Variants in DST observed in about 807,000 individuals in gnomAD.
The protein encoded by DST is bullous pemphigoid antigen.
In DST, 253 loss-of-function variants were observed where a neutral mutation model predicts 875.2. The observed-to-expected ratio is 0.29, with a 90% CI of 0.26 to 0.32. DST has a LOEUF of 0.32. Among genes scored for constraint, DST ranks in the 10% least tolerant of loss-of-function variants. The probability of loss-of-function intolerance (pLI) is 1.00; values close to 1 mark genes in which losing one functional copy is unlikely to be tolerated. For missense variants in DST, 8,287 were observed against 9,111.6 expected, an observed-to-expected ratio of 0.91 and a Z score of 3.68; for synonymous variants, 3,124 against 3,197.1, an observed-to-expected ratio of 0.98 and a Z score of 0.77.
intron 36 of DST, among the ~76,000 whole-genome samples, chr6:56,623,952 A>G (rs2098711792): frequency 6.6e-6 from 1 of 152,012 alleles, no homozygotes; most frequent in Admixed American, 6.6e-5. Flanking sequence ...GCATTTAAAT[A>G]GCCTTTTTAA....
At chr6:56,890,188 C>A (rs1358024410) in intron 3 of DST, among the ~76,000 whole-genome samples, 1 of 152,180 alleles carries the variant, frequency 6.6e-6, no homozygotes, top group African/African-American at 2.4e-5. Flanking sequence ...GACACATTTC[C>A]TCCCTGGAAA....
chr6:56,463,095 G>A lies in DST; in HGVS notation c.23021C>T (p.Thr7674Ile). 2 of 1,613,752 alleles carry A rather than the reference G, an allele frequency of 1.2e-6. No homozygotes were observed. Among genetic ancestry groups the A allele is most frequent in the Middle Eastern group, 1.7e-4 (1 of 6,060 alleles). The stretch of plus-strand genomic sequence containing the variant: ...TGAGCACTCTGCTGCTTTACAAGGA[G>A]TTGACATTTTGCTGTTTGTCAACCA... ...KPWLTNSKMS[T>I]PCKAAECSDF... The change falls in exon 102 of 104, where the codon ACT (threonine) becomes ATT (isoleucine). Residue 7674 changes from threonine (T) to isoleucine (I), a missense_variant. Around this residue, in one of 10 missense-constraint regions of DST, gnomAD observed 240 missense variants for 237.3 expected, o/e 1.01. Coordinates refer to ENST00000680361, the MANE Select transcript of DST (RefSeq NM_001374736.1).
Position 56,485,338 on chromosome 6 carries a change from C to T in DST, c.21181G>A (p.Val7061Met), listed in dbSNP as rs1308825083. The change falls in exon 88 of 104, where the codon GTG becomes ATG. Residue 7061 changes from valine (V) to methionine (M), a missense_variant. By Grantham distance (21) the Val-to-Met change is conservative. Transcript: ENST00000680361. ...DQPVHGDIDL[V>M]MNLIDNHKAF... Reference sequence around the variant, plus strand: ...TTGTGATTATCGATCAGATTCATCACCAAATCAATGTCTCCATGAACAGGC... The same window carrying T: ...TTGTGATTATCGATCAGATTCATCATCAAATCAATGTCTCCATGAACAGGC... The T allele has an allele frequency of 3.1e-6, 5 of 1,613,642 alleles. No individual in the cohort carries two copies. The highest frequency in any genetic ancestry group is 4.5e-5 in the East Asian group (2 of 44,884).
chr6:56,615,376 A>C, intron 36 of DST: 1 of 1,522,148 alleles, frequency 6.6e-7, no homozygotes, highest in Non-Finnish European at 8.8e-7. Context: ...TATTTTGAGC[A>C]CTTAGCAATT....
At chr6:56,517,704 T>C (rs1365942042) in intron 69 of DST, 84 bp from the exon 70 acceptor site, 3 of 1,441,784 alleles carry the variant, frequency 2.1e-6, no homozygotes, top group Non-Finnish European at 1.8e-6. Context: ...TGAAATATCC[T>C]TATTACACAA....
chr6:56,711,066 T>C (rs1385651055), intron 5 of DST, among the ~76,000 whole-genome samples: 2 of 152,198 alleles, frequency 1.3e-5, no homozygotes, highest in Admixed American at 6.5e-5. Flanking sequence ...GTCTACTTCT[T>C]TGGACCTGAT....
rs751634835 is a variant in DST, at chr6:56,609,086, C to T, written c.5542G>A (p.Ala1848Thr). The T allele has an allele frequency of 6.2e-7, 1 of 1,613,850 alleles. No individual in the cohort carries two copies. Among genetic ancestry groups the T allele is most frequent in the Non-Finnish European group, 8.5e-7 (1 of 1,179,800 alleles). The change falls in exon 40 of 104, where the codon GCG becomes ACG. Residue 1848 changes from alanine to threonine, a missense_variant. Ala to Thr is a moderately conservative substitution (Grantham distance 58). Around this residue, in one of 10 missense-constraint regions of DST, gnomAD observed 3,138 missense variants for 3,116.6 expected, o/e 1.01. Transcript: ENST00000680361. Reference protein sequence around the residue: ...LSKAKEIISAASPTTIPVLDA... With the variant: ...LSKAKEIISATSPTTIPVLDA... ...AGTACTGGAATTGTGGTAGGTGACG[C>T]AGCAGAAATAATCTCCTTAGCTTTA...
intron 103 of DST, 143 bp downstream of exon 103, chr6:56,459,988 T>G (rs1322910589): frequency 1.5e-5 from 15 of 1,002,164 alleles, no homozygotes; most frequent in Non-Finnish European, 2.0e-5. Context: ...TCCCCAACTT[T>G]TGGAGGACTG....
intron 4 of DST, among the ~76,000 whole-genome samples, chr6:56,790,006 T>C (rs1397492740): frequency 5.3e-5 from 8 of 152,140 alleles, no homozygotes; most frequent in Non-Finnish European, 7.4e-5. Context: ...GATGCTCTCT[T>C]CTTTTATTTC....
chr6:56,784,959 C>G (rs1237463619), intron 4 of DST, among the ~76,000 whole-genome samples: 1 of 152,190 alleles, frequency 6.6e-6, no homozygotes, highest in Non-Finnish European at 1.5e-5. Flanking sequence ...GGACCCTCAG[C>G]TGCAGGTCTG....
At chr6:56,828,202 T>C (rs988955879) in intron 4 of DST, among the ~76,000 whole-genome samples, 4 of 152,232 alleles carry the variant, frequency 2.6e-5, no homozygotes, top group East Asian at 1.9e-4. Flanking sequence ...CTGGATCTTA[T>C]AGTTAACTAG....
chr6:56,570,688 T>C (rs137929515), intron 53 of DST, among the ~76,000 whole-genome samples: 235 of 152,294 alleles, frequency 1.5e-3, no homozygotes, highest in Middle Eastern at 6.8e-3. Flanking sequence ...ACCCCTGAGC[T>C]AAATAACTGT....
chr6:56,491,693 T>C (rs187591976), intron 85 of DST, among the ~76,000 whole-genome samples: 48 of 152,194 alleles, frequency 3.2e-4, no homozygotes, highest in African/African-American at 1.1e-3. Context: ...AGAGAAGAAA[T>C]GAAGGTCTGT....
chr6:56,647,746 T>C (rs2098952046), intron 13 of DST, among the ~76,000 whole-genome samples: 1 of 151,484 alleles, frequency 6.6e-6, no homozygotes, highest in African/African-American at 2.4e-5. Flanking sequence ...AGTGCAGTGA[T>C]GCGATCTCGG....
At chr6:56,823,337 A>G (rs1562022829) in intron 4 of DST, among the ~76,000 whole-genome samples, 1 of 152,152 alleles carries the variant, frequency 6.6e-6, no homozygotes, top group Non-Finnish European at 1.5e-5. Flanking sequence ...TTTGTCCTTC[A>G]CTATGGCAAC....
At chr6:56,692,180 G>C (rs1001780030) in intron 9 of DST, among the ~76,000 whole-genome samples, 3 of 152,290 alleles carry the variant, frequency 2.0e-5, no homozygotes, top group East Asian at 3.9e-4. Flanking sequence ...AGGATTTTTA[G>C]ATTAAAGTGT....
chr6:56,516,159 G>T (rs867546914), intron 71 of DST, among the ~76,000 whole-genome samples: 1 of 101,026 alleles, frequency 9.9e-6, no homozygotes, highest in Non-Finnish European at 2.2e-5. Flanking sequence ...AAGAGAAAGA[G>T]AGAAAGAGAA....
chr6:56,583,443 G>C (rs1166125390), intron 49 of DST, among the ~76,000 whole-genome samples: 1 of 151,978 alleles, frequency 6.6e-6, no homozygotes, highest in East Asian at 1.9e-4. Context: ...TGATGGGGTT[G>C]TTTGTTTTTT....
intron 4 of DST, among the ~76,000 whole-genome samples, chr6:56,800,816 C>T (rs930149581): frequency 5.3e-5 from 8 of 151,996 alleles, no homozygotes; most frequent in Non-Finnish European, 1.2e-4. Context: ...CCCAGGAGTT[C>T]GAGACCAGCC....
Sources: gnomAD v4.1 joint callset for allele counts (sites outside exome capture counted in the v4.1 genomes callset) on GRCh38, gnomAD v4.1.1 for gene constraint, gnomAD v4.1.1 regional missense constraint, MANE v1.5 for transcripts, NCBI Gene and HGNC (gene_info 2026-07-23, HGNC 2026-07-21) for gene names.